Variants in DENND4C observed in about 807,000 individuals in gnomAD.
The protein encoded by DENND4C is DENN domain-containing protein 4C.
DENND4C carries 108 observed loss-of-function variants against 203.0 expected under a neutral mutation model. The observed-to-expected ratio is 0.53, with a 90% confidence interval of 0.46 to 0.62. The LOEUF (loss-of-function observed/expected upper bound fraction) is 0.62. Among genes scored for constraint, DENND4C ranks in the 20% least tolerant of loss-of-function variants. The pLI, the probability that DENND4C is intolerant of heterozygous loss-of-function variation, is 0.00. For missense variants in DENND4C, 2,481 were observed against 2,301.2 expected, an observed-to-expected ratio of 1.08 and a Z score of -1.60; for synonymous variants, 871 against 792.4, an observed-to-expected ratio of 1.10 and a Z score of -1.67.
chr9:19,251,155 C>G (rs1826484293), intron 1 of DENND4C, among the ~76,000 whole-genome samples: 1 of 152,254 alleles, frequency 6.6e-6, no homozygotes, highest in Non-Finnish European at 1.5e-5. Context: ...TCCATACATC[C>G]TCTGAAATCT....
intron 5 of DENND4C, 73 bp from the exon 6 acceptor site, chr9:19,295,935 T>C: frequency 8.8e-7 from 1 of 1,138,420 alleles, no homozygotes; most frequent in Non-Finnish European, 1.3e-6. Flanking sequence ...ATTTCTTGTG[T>C]AATAAGAAAA....
intron 2 of DENND4C, among the ~76,000 whole-genome samples, chr9:19,286,237 C>T (rs990597352): frequency 4.6e-5 from 7 of 151,966 alleles, no homozygotes; most frequent in African/African-American, 1.7e-4. Flanking sequence ...CAGATTAATT[C>T]AATTTTCATT....
chr9:19,237,748 G>C (rs1039468952), intron 1 of DENND4C, among the ~76,000 whole-genome samples: 1 of 151,974 alleles, frequency 6.6e-6, no homozygotes, highest in Non-Finnish European at 1.5e-5. Flanking sequence ...GCCTATTGCC[G>C]CTGGCTAGAT....
rs1563853490 is a variant in DENND4C at position 19,372,879 on chromosome 9, A to AAAAG, written c.*707_*708insAAGA. On this transcript the variant is annotated 3_prime_UTR_variant, in exon 33 of 33. Transcript: ENST00000434457. ...GTCTCAAAAAAAAAAAAAAAAAAAAAAGAGAGCAACATATTTGTGTAAGTT... is the reference window on the plus strand; with the variant it reads ...GTCTCAAAAAAAAAAAAAAAAAAAAAAAAGAGAGAGCAACATATTTGTGTAAGTT... The AAAAG allele has an allele frequency of 6.6e-6, 1 of 151,382 alleles. No individual in the cohort carries two copies. Among genetic ancestry groups the AAAAG allele is most frequent in the African/African-American group, 2.4e-5 (1 of 40,896 alleles). 9.4% of individuals were successfully genotyped at this position (151,382 alleles called of 1,614,324 possible).
In DENND4C at chr9:19,332,030, A is replaced by G. The variant is rs1408645395; in HGVS notation, c.2306A>G (p.Gln769Arg). ...LAKRCYTNPP[Q>R]WAKCLFSHCY... is the part of the protein sequence containing the mutation. ...AAGAGATGTTATACAAATCCACCAC[A>G]GTGGGCCAAGTGTCTGTTTAGTCAT... Residue 769 changes from glutamine to arginine, a missense_variant, in exon 17 of 33, where the codon CAG (glutamine) becomes CGG (arginine). Coordinates refer to ENST00000434457, the MANE Select transcript of DENND4C (RefSeq NM_001330640.2). The G allele has an allele frequency of 6.2e-7, 1 of 1,614,060 alleles. No individual in the cohort carries two copies. The highest frequency in any genetic ancestry group is 1.3e-5 in the African/African-American group (1 of 75,038).
chr9:19,265,777 A>C (rs1830369381), intron 1 of DENND4C, among the ~76,000 whole-genome samples: 1 of 152,224 alleles, frequency 6.6e-6, no homozygotes, highest in Non-Finnish European at 1.5e-5. Flanking sequence ...TACAAAGGAC[A>C]AGAACTCAAC....
Position 19,335,001 on chromosome 9 carries a change from C to G in DENND4C, c.2485C>G (p.Leu829Val). 1 of 1,607,008 alleles carries G rather than the reference C, an allele frequency of 6.2e-7. No homozygotes were observed. The highest frequency in any genetic ancestry group is 1.1e-5 in the South Asian group (1 of 89,604). ...GGTGTGCTATCGAGTAGTGATGCAG[C>G]TTTGTGGACTTTGGGGTCATCCTGT... is the stretch of plus-strand genomic sequence containing the variant. Reference protein sequence around the residue: ...DEVCYRVVMQLCGLWGHPVLA... With the variant: ...DEVCYRVVMQVCGLWGHPVLA... Residue 829 changes from leucine (L) to valine (V), a missense_variant, in exon 18 of 33, where the codon CTT becomes GTT. Around this residue, in one of 3 missense-constraint regions of DENND4C, gnomAD observed 2,289 missense variants for 2,113.3 expected, o/e 1.08. Coordinates refer to ENST00000434457, the MANE Select transcript of DENND4C (RefSeq NM_001330640.2).
At chr9:19,243,891 A>G (rs982603188) in intron 1 of DENND4C, among the ~76,000 whole-genome samples, 2 of 152,168 alleles carry the variant, frequency 1.3e-5, no homozygotes, top group Non-Finnish European at 2.9e-5. Context: ...CGCTCACTGC[A>G]GCCTCGACCT....
Position 19,346,336 on chromosome 9 carries a change from G to A in DENND4C, c.3567G>A (p.Glu1189=), listed in dbSNP as rs949761498. The change falls in exon 23 of 33, where the codon GAG becomes GAA. Residue 1189 remains glutamate (E), a synonymous_variant. Transcript: ENST00000434457. ...TTGAGGAAAGCCAAGAACTCCTTGA[G>A]CCTGTGGTTGATGACGTACCTAAAA... is the stretch of plus-strand genomic sequence containing the variant. The part of the protein sequence containing the change: ...EMLEESQELL[E]PVVDDVPKTT... 2 of 1,614,052 alleles carry A rather than the reference G, an allele frequency of 1.2e-6. No individual in the cohort carries two copies. Among genetic ancestry groups the A allele is most frequent in the African/African-American group, 1.3e-5 (1 of 74,920 alleles).
At position 19,329,099 on chromosome 9, in the gene DENND4C, A is replaced by G. The variant is rs150530373; in HGVS notation, c.2253+937A>G. On this transcript the variant is annotated intron_variant, in intron 16 of 32. Coordinates refer to ENST00000434457, the MANE Select transcript of DENND4C (RefSeq NM_001330640.2). ...CATATACCATACAGCATACCCACTT[A>G]AAGTGTATGATTTAGTGGCTTTTAG... Among the ~76,000 whole-genome samples, 852 of 152,314 alleles carry G rather than the reference A, an allele frequency of 5.6e-3. 7 individuals are homozygous for G. The highest frequency in any genetic ancestry group is 0.019 in the African/African-American group (800 of 41,556).
chr9:19,346,823 T>C lies in DENND4C; in HGVS notation c.4054T>C (p.Ser1352Pro). The C allele has an allele frequency of 1.2e-6, 2 of 1,614,112 alleles. No individual in the cohort carries two copies. The highest frequency in any genetic ancestry group is 1.7e-6 in the Non-Finnish European group (2 of 1,180,014). Residue 1352 changes from serine (S) to proline (P), a missense_variant, in exon 23 of 33, where the codon TCT (serine) becomes CCT (proline). Ser to Pro is a moderately conservative substitution (Grantham distance 74). Transcript: ENST00000434457. ...AAAGAGCTCACCTGCAGTGTCCAGG[T>C]CTAAAACTTTTACTGGGCGTTTCAA... ...SEKSSPAVSR[S>P]KTFTGRFKQQ...
At chr9:19,294,260 T>C (rs1260186630) in intron 5 of DENND4C, among the ~76,000 whole-genome samples, 1 of 151,892 alleles carries the variant, frequency 6.6e-6, no homozygotes, top group Non-Finnish European at 1.5e-5. Flanking sequence ...AGTATTTAAA[T>C]GATGGGTGAC....
At chr9:19,272,616 A>T (rs193137556) in intron 1 of DENND4C, among the ~76,000 whole-genome samples, 48 of 152,158 alleles carry the variant, frequency 3.2e-4, no homozygotes, top group African/African-American at 1.2e-3. Flanking sequence ...TAAAAAAATG[A>T]ATCTTCATTT....
intron 16 of DENND4C, among the ~76,000 whole-genome samples, chr9:19,330,360 G>C (rs935571483): frequency 1.3e-5 from 1 of 79,508 alleles, no homozygotes; most frequent in African/African-American, 4.5e-5. Flanking sequence ...TTTTTTTTAA[G>C]ATGGAGTCTC....
chr9:19,293,678 A>G (rs1356410456), intron 5 of DENND4C, among the ~76,000 whole-genome samples: 1 of 152,222 alleles, frequency 6.6e-6, no homozygotes, highest in Admixed American at 6.5e-5. Flanking sequence ...AAAATACATA[A>G]AAGCACAAAA....
Position 19,346,438 on chromosome 9 carries a change from A to G in DENND4C, c.3669A>G (p.Val1223=), listed in dbSNP as rs1822901519. The change falls in exon 23 of 33, where the codon GTA becomes GTG. Residue 1223 remains valine (V), a synonymous_variant. Transcript: ENST00000434457. ...ATCAGTCCAGAGACTTGAAAACAGT[A>G]TCCAAAGATCTGAGGAATAAGAGAA... The part of the protein sequence containing the change: ...NSNQSRDLKT[V]SKDLRNKRSS... 6.2e-7 allele frequency: 1 copy of G among 1,614,184 alleles called. No individual in the cohort carries two copies. The highest frequency in any genetic ancestry group is 2.2e-5 in the East Asian group (1 of 44,876).
At chr9:19,367,694 TC>T (rs1365754220) in intron 30 of DENND4C, among the ~76,000 whole-genome samples, 1 of 152,182 alleles carries the variant, frequency 6.6e-6, no homozygotes, top group Non-Finnish European at 1.5e-5. Flanking sequence ...GAGCTGAGAT[TC>T]TGCTGCTGCA....
chr9:19,319,511 A>T lies in DENND4C; in HGVS notation c.1807+2672A>T, dbSNP rs1588911495. ...ACTCATGACAGCACATTTGGGAAAAAAGATTAGATGGTACAATTTGACCAG... is the reference window on the plus strand; with the variant it reads ...ACTCATGACAGCACATTTGGGAAAATAGATTAGATGGTACAATTTGACCAG... On this transcript the variant is annotated intron_variant, in intron 12 of 32. Coordinates refer to ENST00000434457, the MANE Select transcript of DENND4C (RefSeq NM_001330640.2). Among the ~76,000 whole-genome samples the T allele has an allele frequency of 2.7e-5, 4 of 149,654 alleles. No homozygotes were observed. In the South Asian group the frequency reaches 8.4e-4, roughly 31 times the overall value.
intron 30 of DENND4C, 61 bp from the exon 31 acceptor site, chr9:19,369,776 A>T: frequency 9.7e-7 from 1 of 1,034,526 alleles, no homozygotes; most frequent in Non-Finnish European, 1.2e-6. Context: ...CAAAAAAAAA[A>T]AAATAATAAT....
Sources: allele counts gnomAD v4.1 joint callset (sites outside exome capture counted in the v4.1 genomes callset), GRCh38; gene constraint gnomAD v4.1.1; regional missense constraint gnomAD v4.1.1; transcripts MANE v1.5; gene names NCBI Gene and HGNC (gene_info 2026-07-23, HGNC 2026-07-21).